The following SLC25A25 variants were observed in gnomAD, a reference collection of about 807,000 sequenced individuals.
SLC25A25 encodes the protein solute carrier family 25 member 25.
In SLC25A25, 32 loss-of-function variants were observed where a neutral mutation model predicts 57.7. The observed-to-expected ratio is 0.55, with a 90% CI of 0.42 to 0.74. The LOEUF (loss-of-function observed/expected upper bound fraction) is 0.74, where lower values mean the gene tolerates loss of function less well. Among genes scored for constraint, SLC25A25 ranks in the 30% least tolerant of loss-of-function variants. The pLI, the probability that SLC25A25 is intolerant of heterozygous loss-of-function variation, is 0.00. For missense variants in SLC25A25, 556 were observed against 701.3 expected (o/e 0.79, Z 2.34); for synonymous variants, 306 against 291.2 (o/e 1.05, Z -0.52).
chr9:128,098,418 T>C (rs1278345422), intron 1 of SLC25A25: 14 of 1,379,916 alleles, frequency 1.0e-5, no homozygotes, highest in African/African-American at 1.5e-5. Context: ...AGGGCTTTTT[T>C]CTTTTTTCAA....
At chr9:128,086,788 C>T (rs1408443846) in intron 1 of SLC25A25, among the ~76,000 whole-genome samples, 1 of 151,878 alleles carries the variant, frequency 6.6e-6, no homozygotes, top group Non-Finnish European at 1.5e-5. Flanking sequence ...GTTTTAGAAT[C>T]TTAAACAGTA....
At chr9:128,088,600 G>A (rs6478815) in intron 1 of SLC25A25, among the ~76,000 whole-genome samples, 144,892 of 152,260 alleles carry the variant, frequency 0.95, 69,372 homozygotes, top group East Asian at 1. Context: ...TCCTGGCTTC[G>A]TTTGTATACA....
intron 1 of SLC25A25, among the ~76,000 whole-genome samples, chr9:128,093,182 A>G (rs1833459205): frequency 6.6e-6 from 1 of 151,946 alleles, no homozygotes; most frequent in Non-Finnish European, 1.5e-5. Flanking sequence ...GGCACTGGGG[A>G]GAAGTCTTCG....
chr9:128,100,825 C>A, intron 1 of SLC25A25: 1 of 455,678 alleles, frequency 2.2e-6, no homozygotes, highest in East Asian at 4.3e-5. Context: ...CCGGAGGGCT[C>A]TTCCCAGGCT....
In SLC25A25 at chr9:128,103,814, T is replaced by A; in HGVS notation, c.758T>A (p.Leu253Gln). The change falls in exon 6 of 11, where the codon CTG becomes CAG. Residue 253 changes from leucine (L) to glutamine (Q), a missense_variant. By Grantham distance (113) the Leu-to-Gln change is moderately radical. This residue lies in a region of SLC25A25 where 294 missense variants were observed against 389.6 expected (regional missense o/e 0.75). Transcript: ENST00000373069. The surrounding 1 kb of genome is among the most constrained non-coding windows in gnomAD (Gnocchi z 6.7). ...GAVSRTCTAPLDRLKVLMQVH... is the reference protein window; with the variant it reads ...GAVSRTCTAPQDRLKVLMQVH... ...GTATCCAGAACCTGCACGGCCCCCC[T>A]GGACAGGCTCAAGGTGCTCATGCAG... 2 of 1,609,670 alleles carry A rather than the reference T, an allele frequency of 1.2e-6. No individual in the cohort carries two copies. The highest frequency in any genetic ancestry group is 1.7e-6 in the Non-Finnish European group (2 of 1,177,762).
chr9:128,104,221 C>T (rs564817266), intron 6 of SLC25A25, among the ~76,000 whole-genome samples: 69 of 152,344 alleles, frequency 4.5e-4, no homozygotes, highest in African/African-American at 1.4e-3. Context: ...TGGCCAGGTA[C>T]GCAAATCCAT....
intron 1 of SLC25A25, among the ~76,000 whole-genome samples, chr9:128,081,489 T>C (rs1218065992): frequency 6.6e-6 from 1 of 152,030 alleles, no homozygotes; most frequent in Admixed American, 6.6e-5. Context: ...CACTGGCCAG[T>C]GTTGGGTTGC....
chr9:128,095,588 T>A lies in SLC25A25; in HGVS notation c.262-5508T>A, dbSNP rs111746675. On this transcript the variant is annotated intron_variant, in intron 1 of 10. Coordinates refer to ENST00000373069, the MANE Select transcript of SLC25A25 (RefSeq NM_001330988.2). The surrounding 1 kb of genome is among the most constrained non-coding windows in gnomAD (Gnocchi z 4.4). ...GATGATTTAAAAAACCAAATGCCAA[T>A]TGAAGTTTATCCAATGAAGACATTC... is the stretch of plus-strand genomic sequence containing the variant. Among the ~76,000 whole-genome samples the A allele has an allele frequency of 6.6e-6, 1 of 152,172 alleles. No homozygotes were observed. Among genetic ancestry groups the A allele is most frequent in the Non-Finnish European group, 1.5e-5 (1 of 68,026 alleles).
At position 128,085,505 on chromosome 9, in the gene SLC25A25, G is replaced by T. The variant is rs72754887; in HGVS notation, c.262-15591G>T. Reference sequence around the variant, plus strand: ...ATATATTTAAACACATATAGGCAAGGTATTCAATTGAACACATTTCCATCG... The same window carrying T: ...ATATATTTAAACACATATAGGCAAGTTATTCAATTGAACACATTTCCATCG... On this transcript the variant is annotated intron_variant, in intron 1 of 10. Coordinates refer to ENST00000373069, the MANE Select transcript of SLC25A25 (RefSeq NM_001330988.2). Among the ~76,000 whole-genome samples, 308 of 152,250 alleles carry T rather than the reference G, an allele frequency of 2.0e-3. 1 individual carries two copies. The highest frequency in any genetic ancestry group is 3.6e-3 in the Non-Finnish European group (248 of 68,030).
chr9:128,106,048 C>T (rs1834018230), intron 7 of SLC25A25, 102 bp from the exon 8 acceptor site: 3 of 1,547,586 alleles, frequency 1.9e-6, no homozygotes, highest in Non-Finnish European at 2.7e-6. Context: ...CCTTACATTT[C>T]TGGGTAGCAT....
In SLC25A25 at chr9:128,073,889, A is replaced by G. The variant is rs150959465; in HGVS notation, c.261+5309A>G. 4.0e-3 allele frequency among the ~76,000 whole-genome samples: 610 copies of G among 151,974 alleles called. 6 individuals are homozygous for G. The highest frequency in any genetic ancestry group is 0.014 in the African/African-American group (588 of 41,438). On this transcript the variant is annotated intron_variant, in intron 1 of 10. Coordinates refer to ENST00000373069, the MANE Select transcript of SLC25A25 (RefSeq NM_001330988.2). ...GCTGGGATTACAGGCCTGCGCCACC[A>G]TGCCCTGCTAATTTTTATATTTTCA...
chr9:128,105,647 G>T, intron 6 of SLC25A25, 82 bp from the exon 7 acceptor site: 1 of 1,604,590 alleles, frequency 6.2e-7, no homozygotes, highest in Non-Finnish European at 8.5e-7. Context: ...GGCCGCAGCC[G>T]GTTGGCCAGC....
chr9:128,079,367 A>G (rs1197927110), intron 1 of SLC25A25, among the ~76,000 whole-genome samples: 1 of 150,364 alleles, frequency 6.7e-6, no homozygotes, highest in Non-Finnish European at 1.5e-5. Flanking sequence ...TACATTGTGT[A>G]AGAAGACTCT....
At position 128,101,096 on chromosome 9, in the gene SLC25A25, A is replaced by C; in HGVS notation, c.262A>C (p.Lys88Gln). ...ACAAAATGTTACCTTTCTTTTCTAG[A>C]AAATTGTACAAGCTGGAGATAAGGA... ...GLHRTEGELQ[K>Q]IVQAGDKDLD... The change falls in exon 2 of 11, where the codon AAA (lysine) becomes CAA (glutamine). Residue 88 changes from lysine to glutamine, a missense_variant and splice_region_variant. Lys to Gln is a moderately conservative substitution (Grantham distance 53). Coordinates refer to ENST00000373069, the MANE Select transcript of SLC25A25 (RefSeq NM_001330988.2). The surrounding 1 kb of genome is among the most constrained non-coding windows in gnomAD (Gnocchi z 4.9). 6.2e-7 allele frequency: 1 copy of C among 1,614,168 alleles called. No homozygotes were observed. Among genetic ancestry groups the C allele is most frequent in the South Asian group, 1.1e-5 (1 of 91,084 alleles).
chr9:128,088,883 A>G (rs1177117838), intron 1 of SLC25A25, among the ~76,000 whole-genome samples: 1 of 152,172 alleles, frequency 6.6e-6, no homozygotes, highest in Non-Finnish European at 1.5e-5. Context: ...CCATCTGGCC[A>G]GACTTTCTGT....
chr9:128,078,021 G>A (rs1833057056), intron 1 of SLC25A25, among the ~76,000 whole-genome samples: 1 of 148,838 alleles, frequency 6.7e-6, no homozygotes, highest in Non-Finnish European at 1.5e-5. Context: ...GTGAGACTCT[G>A]TCTCAAAAAA....
chr9:128,106,656 T>C, intron 9 of SLC25A25, 136 bp downstream of exon 9: 1 of 1,159,032 alleles, frequency 8.6e-7, no homozygotes, highest in South Asian at 1.6e-5. Context: ...TTCTGTTTAC[T>C]GCAGCTTTCC....
intron 1 of SLC25A25, among the ~76,000 whole-genome samples, chr9:128,083,509 T>TTTTA (rs1833203617): frequency 1.6e-5 from 1 of 63,054 alleles, no homozygotes; most frequent in Non-Finnish European, 4.4e-5. Flanking sequence ...TTTTTTTCTT[T>TTTTA]TTTCTTTTTT....
intron 1 of SLC25A25, among the ~76,000 whole-genome samples, chr9:128,087,161 G>C (rs1833295557): frequency 6.6e-6 from 1 of 151,402 alleles, no homozygotes; most frequent in African/African-American, 2.4e-5. Flanking sequence ...GTTACAGTGA[G>C]CTGGGATCGC....
Sources: gnomAD v4.1 joint callset for allele counts (sites outside exome capture counted in the v4.1 genomes callset) on GRCh38, gnomAD v4.1.1 for gene constraint, gnomAD v4.1.1 regional missense constraint, Gnocchi (gnomAD v3.1) non-coding constraint, MANE v1.5 for transcripts, NCBI Gene and HGNC (gene_info 2026-07-23, HGNC 2026-07-21) for gene names.